Variants in CELF4 observed in about 807,000 individuals in gnomAD.
The protein encoded by CELF4 is CUGBP Elav-like family member 4.
A neutral mutation model predicts 59.9 loss-of-function variants in CELF4; 18 were observed. The observed-to-expected ratio is 0.30, with a 90% confidence interval of 0.21 to 0.45. The LOEUF (loss-of-function observed/expected upper bound fraction) is 0.45, where lower values mean the gene tolerates loss of function less well. Among genes scored for constraint, CELF4 ranks in the 20% least tolerant of loss-of-function variants. The probability of loss-of-function intolerance (pLI) is 1.00; values close to 1 mark genes in which losing one functional copy is unlikely to be tolerated. For synonymous variants in CELF4, 261 were observed against 267.1 expected (o/e 0.98, Z 0.22); for missense variants, 456 against 689.0 (o/e 0.66, Z 3.79).
intron 2 of CELF4, among the ~76,000 whole-genome samples, chr18:37,342,543 T>C (rs1447078028): frequency 6.6e-6 from 1 of 152,120 alleles, no homozygotes; most frequent in Non-Finnish European, 1.5e-5. Flanking sequence ...TCCCCTGTGC[T>C]CTGCAGCTGT....
At chr18:37,457,143 G>A (rs1308525274) in intron 2 of CELF4, among the ~76,000 whole-genome samples, 3 of 152,142 alleles carry the variant, frequency 2.0e-5, no homozygotes. Flanking sequence ...TAAAGAGCAG[G>A]AGGGCCTCTG....
chr18:37,333,788 CCA>C (rs2097658625), intron 2 of CELF4, among the ~76,000 whole-genome samples: 2 of 29,728 alleles, frequency 6.7e-5, no homozygotes, highest in Non-Finnish European at 1.6e-4. Context: ...ATCCATGCAT[CCA>C]TCCATCCATC....
At chr18:37,554,562 TCATCATCATGCCCAG>T (rs1293472236) in intron 1 of CELF4, among the ~76,000 whole-genome samples, 2 of 152,236 alleles carry the variant, frequency 1.3e-5, no homozygotes, top group East Asian at 3.9e-4. Flanking sequence ...CCTTTCTTAT[TCATCATCATGCCCAG>T]CATGGGGCCT....
At chr18:37,534,023 G>A (rs2099971541) in intron 1 of CELF4, among the ~76,000 whole-genome samples, 1 of 152,220 alleles carries the variant, frequency 6.6e-6, no homozygotes, top group South Asian at 2.1e-4. Flanking sequence ...GACCCAGCCA[G>A]GACTGTGGAC....
intron 2 of CELF4, among the ~76,000 whole-genome samples, chr18:37,329,694 G>T (rs1454078029): frequency 1.3e-5 from 2 of 152,252 alleles, no homozygotes; most frequent in Non-Finnish European, 2.9e-5. Context: ...CAGGTAGAGA[G>T]AGGCTGAACT....
At chr18:37,445,332 A>G (rs1029915774) in intron 2 of CELF4, among the ~76,000 whole-genome samples, 1 of 151,206 alleles carries the variant, frequency 6.6e-6, no homozygotes, top group Non-Finnish European at 1.5e-5. Flanking sequence ...CCAGGGGAGC[A>G]GAAATGGAGC....
At chr18:37,271,625 A>T (rs1421633839) in intron 7 of CELF4, among the ~76,000 whole-genome samples, 1 of 152,160 alleles carries the variant, frequency 6.6e-6, no homozygotes, top group Non-Finnish European at 1.5e-5. Flanking sequence ...TTACTTGGTC[A>T]TTGGGGGGCT....
rs540421610 is a variant in CELF4 at position 37,273,645 on chromosome 18, C to A, written c.802-482G>T. 5.1e-6 allele frequency: 5 copies of A among 988,342 alleles called. No individual in the cohort carries two copies. The East Asian group carries it at 5.6e-4, about 111-fold the overall frequency. The allele number at this position is 988,342 out of a possible 1,614,324, so 61.2% of individuals were successfully genotyped here. The stretch of plus-strand genomic sequence containing the variant: ...CCTAGTGTTGTCACAAAGGTGAGTG[C>A]GGACAGGGGAGGCTGCGGAATGTGG... On this transcript the variant is annotated intron_variant, in intron 6 of 12. Coordinates refer to ENST00000420428, the MANE Select transcript of CELF4 (RefSeq NM_020180.4).
At chr18:37,461,331 G>C (rs191604282) in intron 2 of CELF4, among the ~76,000 whole-genome samples, 1 of 152,342 alleles carries the variant, frequency 6.6e-6, no homozygotes, top group East Asian at 1.9e-4. Context: ...TGGCAGTTCA[G>C]CATGGCTGGG....
chr18:37,337,634 T>A (rs1040738082), intron 2 of CELF4, among the ~76,000 whole-genome samples: 2 of 152,214 alleles, frequency 1.3e-5, no homozygotes, highest in African/African-American at 4.8e-5. Context: ...CATCTCCAGA[T>A]GGCAGCGTCC....
intron 3 of CELF4, among the ~76,000 whole-genome samples, chr18:37,292,476 G>A (rs950630688): frequency 6.6e-6 from 1 of 152,140 alleles, no homozygotes; most frequent in African/African-American, 2.4e-5. Flanking sequence ...TTCAGCCTTG[G>A]GAAGACTGTG....
At chr18:37,340,393 C>T (rs750021746) in intron 2 of CELF4, among the ~76,000 whole-genome samples, 135 of 152,346 alleles carry the variant, frequency 8.9e-4, no homozygotes, top group Non-Finnish European at 7.5e-4. Context: ...CAGTGCTCCT[C>T]ACAAGGTCCT....
At chr18:37,553,695 G>A (rs942582881) in intron 1 of CELF4, among the ~76,000 whole-genome samples, 4 of 152,146 alleles carry the variant, frequency 2.6e-5, no homozygotes, top group Admixed American at 6.5e-5. Flanking sequence ...GCTCAGGCCC[G>A]GCTTGTCAAG....
At chr18:37,302,762 G>A (rs1327833393) in intron 3 of CELF4, among the ~76,000 whole-genome samples, 1 of 152,214 alleles carries the variant, frequency 6.6e-6, no homozygotes, top group Non-Finnish European at 1.5e-5. Flanking sequence ...CTTTCTCCCA[G>A]ACCAGCAGGG....
chr18:37,250,462 G>T (rs552364882), intron 12 of CELF4, among the ~76,000 whole-genome samples: 2 of 152,042 alleles, frequency 1.3e-5, no homozygotes, highest in Non-Finnish European at 2.9e-5. Context: ...CTTGGCCTTA[G>T]AAAGCCTGCA....
rs572883437 is a variant in CELF4, at chr18:37,497,877, T to A, written c.287-12270A>T. On this transcript the variant is annotated intron_variant, in intron 1 of 12. Coordinates refer to ENST00000420428, the MANE Select transcript of CELF4 (RefSeq NM_020180.4). ...AATGTAAGTCTATAAAATAGACTTATCATCCCCATTTCACAGGTGAGGAAA... is the reference window on the plus strand; with the variant it reads ...AATGTAAGTCTATAAAATAGACTTAACATCCCCATTTCACAGGTGAGGAAA... Among the ~76,000 whole-genome samples the A allele has an allele frequency of 2.0e-5, 3 of 152,320 alleles. No individual in the cohort carries two copies. In the South Asian group the frequency reaches 6.2e-4, roughly 32 times the overall value.
chr18:37,319,610 A>G (rs112729061), intron 3 of CELF4, among the ~76,000 whole-genome samples: 121 of 152,364 alleles, frequency 7.9e-4, no homozygotes, highest in African/African-American at 2.7e-3. Context: ...ACAGGCCCCA[A>G]GGATGAACAG....
At position 37,403,793 on chromosome 18, in the gene CELF4, G is replaced by A. The variant is rs141880413; in HGVS notation, c.369+81732C>T. ...ATGTGTGCAGGCTCATGCAGATGCT[G>A]TGGCTGGGACAGAGCCACTGGGCCT... On this transcript the variant is annotated intron_variant, in intron 2 of 12. Coordinates refer to ENST00000420428, the MANE Select transcript of CELF4 (RefSeq NM_020180.4). Among the ~76,000 whole-genome samples, 422 of 152,354 alleles carry A rather than the reference G, an allele frequency of 2.8e-3. 2 individuals carry two copies. The highest frequency in any genetic ancestry group is 0.01 in the Middle Eastern group (3 of 294).
At chr18:37,524,723 AG>A (rs1322890764) in intron 1 of CELF4, among the ~76,000 whole-genome samples, 8 of 152,194 alleles carry the variant, frequency 5.3e-5, no homozygotes, top group African/African-American at 9.6e-5. Context: ...GGGAACGCGG[AG>A]GGAGCGGCCC....
Sources: gnomAD v4.1 joint callset for allele counts (sites outside exome capture counted in the v4.1 genomes callset) on GRCh38, gnomAD v4.1.1 for gene constraint, MANE v1.5 for transcripts, NCBI Gene and HGNC (gene_info 2026-07-23, HGNC 2026-07-21) for gene names.